The following STAG1 variants were observed in gnomAD, a reference collection of about 807,000 sequenced individuals.
STAG1 encodes the protein STAG1 cohesin complex component.
Under a neutral mutation model 170.9 loss-of-function variants are expected in STAG1, and 26 were observed. The observed-to-expected ratio is 0.15, with a 90% CI of 0.11 to 0.21. The LOEUF (loss-of-function observed/expected upper bound fraction) is 0.21. STAG1 is among the 10% of genes least tolerant of loss of function. STAG1 has a pLI of 1.00. For missense variants in STAG1, 964 were observed against 1,509.5 expected (o/e 0.64, Z 5.99); for synonymous variants, 514 against 497.7 (o/e 1.03, Z -0.44).
At chr3:136,459,700 A>C (rs1053288229) in intron 13 of STAG1, among the ~76,000 whole-genome samples, 11 of 152,224 alleles carry the variant, frequency 7.2e-5, no homozygotes, top group African/African-American at 2.7e-4. Context: ...ACTAAAAATC[A>C]ATTACAGAAG....
chr3:136,492,226 A>T (rs1044689148), intron 9 of STAG1, among the ~76,000 whole-genome samples: 1 of 152,210 alleles, frequency 6.6e-6, no homozygotes, highest in African/African-American at 2.4e-5. Flanking sequence ...CACATTCTCA[A>T]CTACACTTGT....
At chr3:136,438,315 C>T (rs1328246875) in intron 15 of STAG1, among the ~76,000 whole-genome samples, 12 of 150,518 alleles carry the variant, frequency 8.0e-5, no homozygotes, top group Non-Finnish European at 1.8e-4. Flanking sequence ...TCTTGCCTGC[C>T]GGGTTCCTGT....
chr3:136,698,021 A>G lies in STAG1; in HGVS notation c.-84+54174T>C, dbSNP rs192022732. Among the ~76,000 whole-genome samples the G allele has an allele frequency of 8.3e-3, 1,240 of 149,876 alleles. 7 individuals are homozygous for G. Among genetic ancestry groups the G allele is most frequent in the South Asian group, 0.014 (67 of 4,730 alleles). ...AGACAGAGCAAGATTACGTCTTGGG[A>G]AAAAAAAAAGAAAGAAAGAAAATCT... On this transcript the variant is annotated intron_variant, in intron 1 of 33. Coordinates refer to ENST00000383202, the MANE Select transcript of STAG1 (RefSeq NM_005862.3).
Position 136,502,679 on chromosome 3 carries a change from A to C in STAG1, c.777T>G (p.Ile259Met). ...RQYEAERNKM[I>M]GKRANERLEL... The stretch of plus-strand genomic sequence containing the variant: ...CCAACCTTTCATTGGCTCTCTTCCC[A>C]ATCATTTTATTTCTCTCGGCTTCAT... The change falls in exon 8 of 34, where the codon ATT (isoleucine) becomes ATG (methionine). Residue 259 changes from isoleucine to methionine, a missense_variant. By Grantham distance (10) the Ile-to-Met change is conservative. Around this residue, in one of 11 missense-constraint regions of STAG1, gnomAD observed 57 missense variants for 157.6 expected, o/e 0.36. Transcript: ENST00000383202. 2 of 1,613,938 alleles carry C rather than the reference A, an allele frequency of 1.2e-6. No homozygotes were observed. Among genetic ancestry groups the C allele is most frequent in the South Asian group, 2.2e-5 (2 of 91,050 alleles).
At chr3:136,386,534 A>G (rs997544745) in intron 22 of STAG1, among the ~76,000 whole-genome samples, 2 of 152,312 alleles carry the variant, frequency 1.3e-5, no homozygotes, top group East Asian at 1.9e-4. Context: ...AGACTGACCC[A>G]TAACAGCAAA....
chr3:136,613,295 C>T (rs558136877), intron 3 of STAG1, among the ~76,000 whole-genome samples: 1 of 97,456 alleles, frequency 1.0e-5, no homozygotes, highest in African/African-American at 4.1e-5. Flanking sequence ...ACAAAGTGAA[C>T]AGAGTGAGAC....
intron 7 of STAG1, among the ~76,000 whole-genome samples, chr3:136,513,340 G>C (rs917881230): frequency 2.6e-5 from 4 of 151,810 alleles, no homozygotes; most frequent in Admixed American, 1.3e-4. Context: ...CTGGGTGACA[G>C]AGCAAGACCC....
intron 21 of STAG1, among the ~76,000 whole-genome samples, chr3:136,403,169 A>C (rs2087379454): frequency 7.6e-6 from 1 of 130,966 alleles, no homozygotes; most frequent in Non-Finnish European, 1.6e-5. Flanking sequence ...CAGAGGTTTT[A>C]TGAGTCAAGA....
intron 21 of STAG1, among the ~76,000 whole-genome samples, chr3:136,408,907 A>C (rs2107708512): frequency 6.6e-6 from 1 of 152,326 alleles, no homozygotes; most frequent in Non-Finnish European, 1.5e-5. Context: ...TTCTAAGCTC[A>C]GTCATGGAAA....
intron 16 of STAG1, among the ~76,000 whole-genome samples, 199 bp from the exon 17 acceptor site, chr3:136,423,243 C>T (rs528614940): frequency 2.6e-5 from 4 of 152,056 alleles, no homozygotes; most frequent in African/African-American, 4.8e-5. Context: ...AAAGTCTGGG[C>T]GAATTACTAT....
At chr3:136,617,041 T>C (rs1374708980) in intron 3 of STAG1, among the ~76,000 whole-genome samples, 1 of 152,148 alleles carries the variant, frequency 6.6e-6, no homozygotes, top group Admixed American at 6.5e-5. Flanking sequence ...ACTTCACTTC[T>C]AGAAATTTAG....
intron 4 of STAG1, among the ~76,000 whole-genome samples, chr3:136,589,319 T>C (rs1023153631): frequency 6.6e-6 from 1 of 151,724 alleles, no homozygotes; most frequent in African/African-American, 2.4e-5. Context: ...ACCAACATGG[T>C]GAAACCCAGT....
intron 21 of STAG1, among the ~76,000 whole-genome samples, chr3:136,414,966 A>G (rs111695883): frequency 5.3e-5 from 8 of 152,300 alleles, no homozygotes; most frequent in African/African-American, 1.7e-4. Flanking sequence ...AAACACACAT[A>G]ACATTGATGG....
intron 1 of STAG1, among the ~76,000 whole-genome samples, chr3:136,663,488 T>C (rs968581950): frequency 5.3e-5 from 8 of 152,174 alleles, no homozygotes; most frequent in African/African-American, 1.9e-4. Flanking sequence ...CATGACCCAA[T>C]CAGTTAGCAC....
chr3:136,473,446 A>C (rs2089673224), intron 11 of STAG1, 93 bp downstream of exon 11: 1 of 945,372 alleles, frequency 1.1e-6, no homozygotes, highest in African/African-American at 1.7e-5. Context: ...AATATGAACT[A>C]AACACTTGTA....
chr3:136,689,781 C>T (rs746535451), intron 1 of STAG1, among the ~76,000 whole-genome samples: 1 of 152,074 alleles, frequency 6.6e-6, no homozygotes, highest in Non-Finnish European at 1.5e-5. Flanking sequence ...TGGCTCATAC[C>T]TGTAATCTCA....
chr3:136,521,702 A>G (rs1576558765), intron 6 of STAG1, among the ~76,000 whole-genome samples: 1 of 152,164 alleles, frequency 6.6e-6, no homozygotes, highest in Admixed American at 6.6e-5. Context: ...TATTTGGATC[A>G]TAGTTGAGGT....
At position 136,719,653 on chromosome 3, in the gene STAG1, GGGTGGGTGGGTA is replaced by G. The variant is rs1339735526; in HGVS notation, c.-84+32530_-84+32541del. On this transcript the variant is annotated intron_variant, in intron 1 of 33. Transcript: ENST00000383202. ...TGGGTAGGTGGGTAGGTGGGTAGGTGGGTGGGTGGGTAGGTGGGTGGGTGGGTGGGTGGGTGG... is the reference window on the plus strand; with the variant it reads ...TGGGTAGGTGGGTAGGTGGGTAGGTGGGTGGGTGGGTGGGTGGGTGGGTGG... Among the ~76,000 whole-genome samples, 9 of 119,654 alleles carry G rather than the reference GGGTGGGTGGGTA, an allele frequency of 7.5e-5. No homozygotes were observed. In the South Asian group the frequency reaches 1.0e-3, roughly 13 times the overall value. The allele number at this position is 119,654 out of a possible 152,430, so 78.5% of individuals were successfully genotyped here. A position where few individuals can be genotyped will look rare whatever the true frequency, so the allele number is the denominator to read the frequency against.
intron 4 of STAG1, among the ~76,000 whole-genome samples, chr3:136,598,160 T>TA (rs1244349155): frequency 1.3e-5 from 2 of 152,184 alleles, no homozygotes; most frequent in African/African-American, 4.8e-5. Flanking sequence ...AAAGTTTTCT[T>TA]AGACTCAAAT....
Sources: allele counts gnomAD v4.1 joint callset (sites outside exome capture counted in the v4.1 genomes callset), GRCh38; gene constraint gnomAD v4.1.1; regional missense constraint gnomAD v4.1.1; transcripts MANE v1.5; gene names NCBI Gene and HGNC (gene_info 2026-07-23, HGNC 2026-07-21).